KCTD16: variants seen among roughly 807,000 people sequenced by gnomAD.
KCTD16 encodes BTB/POZ domain-containing protein KCTD16.
KCTD16 carries 13 observed loss-of-function variants against 33.2 expected under a neutral mutation model. That is an observed-to-expected ratio of 0.39 (90% confidence interval 0.25 to 0.62). The LOEUF (loss-of-function observed/expected upper bound fraction) is 0.62, where lower values mean the gene tolerates loss of function less well. Among genes scored for constraint, KCTD16 ranks in the 20% least tolerant of loss-of-function variants. The probability of loss-of-function intolerance (pLI) is 0.50; values close to 1 mark genes in which losing one functional copy is unlikely to be tolerated. For missense variants in KCTD16, 441 were observed against 525.1 expected (o/e 0.84, Z 1.57); for synonymous variants, 197 against 195.3 (o/e 1.01, Z -0.07).
chr5:144,198,761 A>G (rs1752983894), intron 2 of KCTD16, among the ~76,000 whole-genome samples: 1 of 152,178 alleles, frequency 6.6e-6, no homozygotes. Context: ...TTTTAAATGA[A>G]CAAATTATCA....
At chr5:144,435,784 GGTT>G (rs943422898) in intron 3 of KCTD16, among the ~76,000 whole-genome samples, 1 of 151,824 alleles carries the variant, frequency 6.6e-6, no homozygotes, top group African/African-American at 2.4e-5. Flanking sequence ...TTGTGGTGGT[GGTT>G]GTTTTTGTGT....
At chr5:144,372,847 A>G (rs1399117821) in intron 3 of KCTD16, among the ~76,000 whole-genome samples, 1 of 152,230 alleles carries the variant, frequency 6.6e-6, no homozygotes, top group Non-Finnish European at 1.5e-5. Context: ...GCCCAGAATC[A>G]GGAGCCTGTG....
At chr5:144,171,402 G>A (rs1490933286) in intron 1 of KCTD16, among the ~76,000 whole-genome samples, 3 of 152,204 alleles carry the variant, frequency 2.0e-5, no homozygotes, top group African/African-American at 7.2e-5. Context: ...AGAACAATGT[G>A]TGCAAGATCT....
chr5:144,361,145 A>C (rs1285870475), intron 3 of KCTD16, among the ~76,000 whole-genome samples: 1 of 148,492 alleles, frequency 6.7e-6, no homozygotes, highest in African/African-American at 2.5e-5. Context: ...ATGAGTGAGA[A>C]TCTGCGGTGT....
At chr5:144,450,862 A>G (rs1414973594) in intron 3 of KCTD16, among the ~76,000 whole-genome samples, 2 of 152,130 alleles carry the variant, frequency 1.3e-5, no homozygotes, top group African/African-American at 4.8e-5. Context: ...AAAAAGTTAT[A>G]GAGATCTAAT....
intron 3 of KCTD16, among the ~76,000 whole-genome samples, chr5:144,422,121 A>G (rs1266124562): frequency 6.6e-6 from 1 of 152,180 alleles, no homozygotes; most frequent in Non-Finnish European, 1.5e-5. Flanking sequence ...AAAGCAGAGA[A>G]TGTAAAACTA....
intron 3 of KCTD16, among the ~76,000 whole-genome samples, chr5:144,436,281 T>C (rs1462984094): frequency 2.0e-5 from 3 of 152,226 alleles, no homozygotes; most frequent in Non-Finnish European, 4.4e-5. Flanking sequence ...TTATGATTAA[T>C]ATGATCTGGT....
chr5:144,343,790 C>T (rs1752709928), intron 3 of KCTD16, among the ~76,000 whole-genome samples: 1 of 152,168 alleles, frequency 6.6e-6, no homozygotes, highest in South Asian at 2.1e-4. Flanking sequence ...TCTTTGTTCT[C>T]ATTGGTTTCA....
chr5:144,216,637 A>G (rs1411507532), intron 3 of KCTD16, among the ~76,000 whole-genome samples: 1 of 152,050 alleles, frequency 6.6e-6, no homozygotes, highest in African/African-American at 2.4e-5. Flanking sequence ...TGAGCTCAGG[A>G]GTTTGAGACC....
At chr5:144,424,720 A>G (rs1238472783) in intron 3 of KCTD16, among the ~76,000 whole-genome samples, 1 of 152,152 alleles carries the variant, frequency 6.6e-6, no homozygotes, top group Non-Finnish European at 1.5e-5. Flanking sequence ...AGCCTACCAG[A>G]CAAGAGACAA....
chr5:144,181,146 G>C (rs1029008004), intron 2 of KCTD16, among the ~76,000 whole-genome samples: 4 of 151,704 alleles, frequency 2.6e-5, no homozygotes, highest in East Asian at 1.9e-4. Flanking sequence ...TGTTAGCCAG[G>C]ATGGTCTCGA....
intron 3 of KCTD16, among the ~76,000 whole-genome samples, chr5:144,449,692 G>A (rs1475530054): frequency 6.6e-6 from 1 of 151,974 alleles, no homozygotes; most frequent in Non-Finnish European, 1.5e-5. Flanking sequence ...AATCCATGCA[G>A]AGTAAACTAA....
At chr5:144,350,804 A>G (rs551085004) in intron 3 of KCTD16, among the ~76,000 whole-genome samples, 7 of 149,614 alleles carry the variant, frequency 4.7e-5, no homozygotes, top group African/African-American at 1.7e-4. Context: ...TACTCTTCTG[A>G]TATTTCCACA....
intron 3 of KCTD16, among the ~76,000 whole-genome samples, chr5:144,455,191 C>G (rs761544327): frequency 1.3e-5 from 2 of 151,840 alleles, no homozygotes; most frequent in African/African-American, 2.4e-5. Flanking sequence ...TGTGCACACC[C>G]CTAACTTTAG....
At chr5:144,367,179 C>T (rs190485032) in intron 3 of KCTD16, among the ~76,000 whole-genome samples, 142 of 152,262 alleles carry the variant, frequency 9.3e-4, no homozygotes, top group African/African-American at 3.2e-3. Flanking sequence ...AATAGATAGC[C>T]GACTTAAATT....
intron 3 of KCTD16, among the ~76,000 whole-genome samples, chr5:144,299,100 A>ATATATATATATATATATG (rs1756142899): frequency 5.6e-4 from 4 of 7,192 alleles, no homozygotes; most frequent in African/African-American, 1.3e-3. Context: ...CACTATGTAT[A>ATATATATATATATATATG]TATATATATA....
chr5:144,312,384 G>A (rs1371802159), intron 3 of KCTD16, among the ~76,000 whole-genome samples: 1 of 152,148 alleles, frequency 6.6e-6, no homozygotes, highest in African/African-American at 2.4e-5. Flanking sequence ...TTCCAATGCA[G>A]CTTCAAGATA....
intron 3 of KCTD16, among the ~76,000 whole-genome samples, chr5:144,360,159 G>C (rs1751672905): frequency 6.6e-6 from 1 of 151,870 alleles, no homozygotes; most frequent in Non-Finnish European, 1.5e-5. Flanking sequence ...TTGTTACATA[G>C]GTATACACGT....
intron 3 of KCTD16, among the ~76,000 whole-genome samples, chr5:144,472,870 C>A (rs1454907178): frequency 2.6e-5 from 4 of 152,142 alleles, no homozygotes; most frequent in Non-Finnish European, 4.4e-5. Context: ...GAAGTAGAAG[C>A]AACGATTTTA....
Sources: allele counts gnomAD v4.1 joint callset (sites outside exome capture counted in the v4.1 genomes callset), GRCh38; gene constraint gnomAD v4.1.1; transcripts MANE v1.5; gene names NCBI Gene and HGNC (gene_info 2026-07-23, HGNC 2026-07-21).